The following FREM1 variants were observed in gnomAD, a reference collection of about 807,000 sequenced individuals.
The protein encoded by FREM1 is FRAS1-related extracellular matrix protein 1.
A neutral mutation model predicts 210.1 loss-of-function variants in FREM1; 220 were observed. The ratio of observed to expected loss-of-function variants is 1.05; its 90% confidence interval spans 0.94 to 1.17. The LOEUF (loss-of-function observed/expected upper bound fraction) is 1.17, where lower values mean the gene tolerates loss of function less well. FREM1 is among the 50% of genes most tolerant of loss of function. The probability of loss-of-function intolerance (pLI) is 0.00; values close to 1 mark genes in which losing one functional copy is unlikely to be tolerated. For missense variants in FREM1, 3,454 were observed against 2,675.5 expected (o/e 1.29, Z -6.42); for synonymous variants, 1,189 against 980.2 (o/e 1.21, Z -3.98).
Position 14,860,994 on chromosome 9 carries a change from TATATATACACATATATAC to T in FREM1, c.330-1528_330-1511del, listed in dbSNP as rs1564104247. ...ATATACATATATACACATATATACA[TATATATACACATATATAC>T]ATATATACACATATATACATATATA... On this transcript the variant is annotated intron_variant, in intron 3 of 36. Coordinates refer to ENST00000380880, the MANE Select transcript of FREM1 (RefSeq NM_001379081.2). Among the ~76,000 whole-genome samples, 26 of 102,788 alleles carry T rather than the reference TATATATACACATATATAC, an allele frequency of 2.5e-4. 5 individuals are homozygous for T. The highest frequency in any genetic ancestry group is 1.4e-3 in the South Asian group (5 of 3,632). 67.4% of individuals were successfully genotyped at this position (102,788 alleles called of 152,430 possible). A position where few individuals can be genotyped will look rare whatever the true frequency, so the allele number is the denominator to read the frequency against.
At chr9:14,793,102 G>A (rs925414602) in intron 21 of FREM1, among the ~76,000 whole-genome samples, 4 of 152,166 alleles carry the variant, frequency 2.6e-5, no homozygotes, top group African/African-American at 7.2e-5. Flanking sequence ...AATGAATGTG[G>A]GAAGAGGTAA....
rs1444963013 is a variant in FREM1, at chr9:14,857,733, C to T, written c.648G>A (p.Leu216=). 4 of 1,603,910 alleles carry T rather than the reference C, an allele frequency of 2.5e-6. No homozygotes were observed. The highest frequency in any genetic ancestry group is 1.3e-5 in the African/African-American group (1 of 74,586). The part of the protein sequence containing the change: ...FFPESQLRAK[L]KCPGGSCTPG... ...GGGTACAGCTCCCACCTGGACACTT[C>T]AGTTTTGCTCTCAGTTCTAGAATGT... Residue 216 remains leucine (L), a synonymous_variant, in exon 5 of 37, where the codon CTG becomes CTA. Coordinates refer to ENST00000380880, the MANE Select transcript of FREM1 (RefSeq NM_001379081.2).
In FREM1 at chr9:14,746,442, G is replaced by C. The variant is rs754234108; in HGVS notation, c.6165C>G (p.Ala2055=). Residue 2055 remains alanine (A), a synonymous_variant, in exon 35 of 37, where the codon GCC becomes GCG. Transcript: ENST00000380880. The part of the protein sequence containing the change: ...TKDVEDKSCP[A]GWHQHSGYCH... ...AGTAGCCTGAGTGCTGGTGCCACCC[G>C]GCTGGACAGGATTTGTCTTCCACAT... The C allele has an allele frequency of 1.2e-6, 2 of 1,613,674 alleles. No homozygotes were observed. Among genetic ancestry groups the C allele is most frequent in the African/African-American group, 1.3e-5 (1 of 75,028 alleles).
chr9:14,829,449 T>C (rs758278882), intron 10 of FREM1, among the ~76,000 whole-genome samples: 2 of 152,146 alleles, frequency 1.3e-5, no homozygotes, highest in African/African-American at 2.4e-5. Flanking sequence ...AACAAGCATA[T>C]GTTGGAAACT....
Position 14,851,666 on chromosome 9 carries a change from C to A in FREM1, c.829-59G>T, listed in dbSNP as rs546710386. On this transcript the variant is annotated intron_variant, in intron 5 of 36. Coordinates refer to ENST00000380880, the MANE Select transcript of FREM1 (RefSeq NM_001379081.2). Reference sequence around the variant, plus strand: ...ATAATATGAATGAGGTGATATCATACAGGGCTAATAGCATAATATTTAATA... The same window carrying A: ...ATAATATGAATGAGGTGATATCATAAAGGGCTAATAGCATAATATTTAATA... 4.8e-6 allele frequency: 6 copies of A among 1,241,196 alleles called. No homozygotes were observed. The African/African-American group carries it at 5.9e-5, about 12-fold the overall frequency. The allele number at this position is 1,241,196 out of a possible 1,614,324, so 76.9% of individuals were successfully genotyped here. A position where few individuals can be genotyped will look rare whatever the true frequency, so the allele number is the denominator to read the frequency against.
Position 14,859,294 on chromosome 9 carries a change from T to G in FREM1, c.520A>C (p.Ser174Arg). The change falls in exon 4 of 37, where the codon AGC becomes CGC. Residue 174 changes from serine to arginine, a missense_variant. Physicochemically the swap from Ser to Arg is moderately radical, Grantham distance 110. Transcript: ENST00000380880. ...AGCCGAGTTCTCGCAGTGTCCAGGC[T>G]GACGGTACATTCCAGGCTAGCCATC... ...DRMASLECTV[S>R]LDTARTRLPA... The G allele has an allele frequency of 6.2e-7, 1 of 1,613,944 alleles. No individual in the cohort carries two copies. Among genetic ancestry groups the G allele is most frequent in the Non-Finnish European group, 8.5e-7 (1 of 1,179,870 alleles).
chr9:14,869,081 G>A lies in FREM1; in HGVS notation c.-104C>T, dbSNP rs1303716991. On this transcript the variant is annotated 5_prime_UTR_variant, in exon 2 of 37. Coordinates refer to ENST00000380880, the MANE Select transcript of FREM1 (RefSeq NM_001379081.2). ...GGTCAGCTCATAGTCCAAGGGGCAG[G>A]GTGAGGGGTCCTGACAATGTGCCCC... 7 of 709,178 alleles carry A rather than the reference G, an allele frequency of 9.9e-6. No homozygotes were observed. The Admixed American group carries it at 1.2e-4, about 12-fold the overall frequency. The allele number at this position is 709,178 out of a possible 1,614,324, so 43.9% of individuals were successfully genotyped here. A position where few individuals can be genotyped will look rare whatever the true frequency, so the allele number is the denominator to read the frequency against.
At position 14,801,540 on chromosome 9, in the gene FREM1, A is replaced by G. The variant is rs1020812549; in HGVS notation, c.3694+112T>C. 9 of 744,868 alleles carry G rather than the reference A, an allele frequency of 1.2e-5. No homozygotes were observed. The East Asian group carries it at 2.4e-4, about 20-fold the overall frequency. The allele number at this position is 744,868 out of a possible 1,614,324, so 46.1% of individuals were successfully genotyped here. On this transcript the variant is annotated intron_variant, in intron 20 of 36. Coordinates refer to ENST00000380880, the MANE Select transcript of FREM1 (RefSeq NM_001379081.2). ...CTCCCACCCTCAGCCTCTAGTAACC[A>G]TCATTCTACTCTCTGCTTATATTAG...
intron 24 of FREM1, among the ~76,000 whole-genome samples, chr9:14,783,301 G>C (rs1479326048): frequency 6.6e-6 from 1 of 152,194 alleles, no homozygotes; most frequent in African/African-American, 2.4e-5. Context: ...AGAGGACAGT[G>C]ATATTCGAAC....
chr9:14,900,811 G>A (rs1249479823), intron 1 of FREM1, among the ~76,000 whole-genome samples: 1 of 152,132 alleles, frequency 6.6e-6, no homozygotes, highest in Non-Finnish European at 1.5e-5. Context: ...TTGCTTTGGC[G>A]CCAGTCCCCT....
rs1454928565 is a variant in FREM1, at chr9:14,747,425, G to A, written c.5848C>T (p.His1950Tyr). The change falls in exon 33 of 37, where the codon CAT becomes TAT. Residue 1950 changes from histidine (H) to tyrosine (Y), a missense_variant. His to Tyr is a moderately conservative substitution (Grantham distance 83). Transcript: ENST00000380880. ...TCCAGTTTCAAGGAAACTATCCCAT[G>A]ATACTTGAGGAAACCAACAATCAAC... ...RNGTDIIYNY[H>Y]GIVSLKLEDD... 6.2e-7 allele frequency: 1 copy of A among 1,612,090 alleles called. No homozygotes were observed.
intron 23 of FREM1, among the ~76,000 whole-genome samples, chr9:14,788,294 ACT>A (rs376698861): frequency 4.0e-5 from 6 of 151,852 alleles, no homozygotes; most frequent in African/African-American, 1.2e-4. Flanking sequence ...TTTTAAACAA[ACT>A]CTCCTCCATC....
chr9:14,780,459 G>C (rs1237577016), intron 24 of FREM1, among the ~76,000 whole-genome samples: 11 of 91,060 alleles, frequency 1.2e-4, no homozygotes, highest in African/African-American at 4.0e-4. Context: ...AAGTCCAGCC[G>C]GCATGTCAAA....
chr9:14,886,723 C>T (rs1328351434), intron 1 of FREM1, among the ~76,000 whole-genome samples: 1 of 151,624 alleles, frequency 6.6e-6, no homozygotes, highest in African/African-American at 2.4e-5. Flanking sequence ...TGGTGAAACC[C>T]CACTCCTACA....
chr9:14,792,297 CACACACAGAG>C (rs1051472065), intron 22 of FREM1, among the ~76,000 whole-genome samples: 5 of 146,522 alleles, frequency 3.4e-5, no homozygotes, highest in African/African-American at 1.3e-4. Context: ...CACACACACA[CACACACAGAG>C]AGAGAGAGAG....
At chr9:14,817,243 G>A (rs1487221805) in intron 14 of FREM1, among the ~76,000 whole-genome samples, 1 of 152,168 alleles carries the variant, frequency 6.6e-6, no homozygotes, top group Non-Finnish European at 1.5e-5. Flanking sequence ...GGAAAAGTGG[G>A]ACACTGTGGA....
chr9:14,836,831 G>A lies in FREM1; in HGVS notation c.1881+4616C>T, dbSNP rs960728610. Among the ~76,000 whole-genome samples the A allele has an allele frequency of 4.6e-5, 7 of 152,128 alleles. No homozygotes were observed. Among genetic ancestry groups the A allele is most frequent in the Non-Finnish European group, 7.4e-5 (5 of 68,024 alleles). On this transcript the variant is annotated intron_variant, in intron 10 of 36. Transcript: ENST00000380880. The surrounding 1 kb of genome is among the most constrained non-coding windows in gnomAD (Gnocchi z 4.9). ...TAGGAAGTAGCCAGAAAGAGTCTTC[G>A]CCCAAAACCCCCTAACTGCAGTTAG... is the stretch of plus-strand genomic sequence containing the variant.
chr9:14,780,337 T>C (rs1350475527), intron 24 of FREM1, among the ~76,000 whole-genome samples: 1 of 151,384 alleles, frequency 6.6e-6, no homozygotes, highest in Non-Finnish European at 1.5e-5. Flanking sequence ...TTTCAAGCTT[T>C]CTGCATTGCC....
chr9:14,837,080 T>A (rs942018559), intron 10 of FREM1, among the ~76,000 whole-genome samples: 11 of 152,220 alleles, frequency 7.2e-5, no homozygotes, highest in Admixed American at 2.6e-4. Context: ...TCCCTTGGCC[T>A]TCTTGCCCTT....
Sources: gnomAD v4.1 joint callset for allele counts (sites outside exome capture counted in the v4.1 genomes callset) on GRCh38, gnomAD v4.1.1 for gene constraint, Gnocchi (gnomAD v3.1) non-coding constraint, MANE v1.5 for transcripts, NCBI Gene and HGNC (gene_info 2026-07-23, HGNC 2026-07-21) for gene names.